The following SPMIP2 variants were observed in gnomAD, a reference collection of about 807,000 sequenced individuals.
SPMIP2 encodes the protein sperm microtubule inner protein 2.
the SPMIP2 span, chr4:158,895,894 C>A: frequency 1.3e-6 from 2 of 1,489,542 alleles, no homozygotes; most frequent in Non-Finnish European, 1.9e-6. Context: ...CGTCACTTGT[C>A]CCTTTGATAG....
chr4:158,943,895 C>T, the SPMIP2 span, among the ~76,000 whole-genome samples: 18 of 130,038 alleles, frequency 1.4e-4, no homozygotes, highest in African/African-American at 4.3e-4. Context: ...CTCGCTCTGT[C>T]GCCAGGCTGG....
chr4:159,078,061 G>T, the SPMIP2 span, among the ~76,000 whole-genome samples: 1 of 152,164 alleles, frequency 6.6e-6, no homozygotes, highest in Non-Finnish European at 1.5e-5. Flanking sequence ...GAGGACTGGG[G>T]AGACAGATAT....
chr4:159,074,617 T>C, the SPMIP2 span, among the ~76,000 whole-genome samples: 1 of 152,164 alleles, frequency 6.6e-6, no homozygotes, highest in African/African-American at 2.4e-5. Context: ...ATAGTAGGAA[T>C]ATAAGTGACC....
At chr4:159,079,984 A>C in the SPMIP2 span, among the ~76,000 whole-genome samples, 1 of 152,140 alleles carries the variant, frequency 6.6e-6, no homozygotes, top group Admixed American at 6.5e-5. Context: ...TCTCAAAATG[A>C]TCTTTTGCTT....
At chr4:159,042,213 C>T in the SPMIP2 span, among the ~76,000 whole-genome samples, 1 of 152,136 alleles carries the variant, frequency 6.6e-6, no homozygotes, top group African/African-American at 2.4e-5. Context: ...AAAAATCAAC[C>T]TCCTTTCAAA....
At chr4:159,078,858 CT>C in the SPMIP2 span, among the ~76,000 whole-genome samples, 3 of 152,186 alleles carry the variant, frequency 2.0e-5, no homozygotes, top group East Asian at 5.8e-4. Flanking sequence ...TGGCTCATGC[CT>C]GTAATCCCAG....
the SPMIP2 span, among the ~76,000 whole-genome samples, chr4:159,069,843 G>A: frequency 6.6e-6 from 1 of 151,352 alleles, no homozygotes; most frequent in African/African-American, 2.4e-5. Flanking sequence ...TTTAAATATT[G>A]TCTCTATTTT....
At chr4:158,930,301 T>C in the SPMIP2 span, among the ~76,000 whole-genome samples, 2 of 151,756 alleles carry the variant, frequency 1.3e-5, no homozygotes, top group Non-Finnish European at 2.9e-5. Context: ...AGCCTCGACT[T>C]TCCAAGCTCA....
the SPMIP2 span, among the ~76,000 whole-genome samples, chr4:158,917,874 A>C: frequency 6.6e-6 from 1 of 151,748 alleles, no homozygotes; most frequent in African/African-American, 2.4e-5. Flanking sequence ...GGTGCCTGCC[A>C]AGCCTGGCTA....
At chr4:159,009,637 T>C in the SPMIP2 span, among the ~76,000 whole-genome samples, 107 of 152,244 alleles carry the variant, frequency 7.0e-4, no homozygotes, top group Non-Finnish European at 1.2e-3. Flanking sequence ...AATGTCCCCA[T>C]GTTTCCGTTG....
At chr4:158,976,083 T>A in the SPMIP2 span, among the ~76,000 whole-genome samples, 1 of 151,998 alleles carries the variant, frequency 6.6e-6, no homozygotes, top group African/African-American at 2.4e-5. Flanking sequence ...AGTTCACTCA[T>A]GATTTGGCTA....
At chr4:158,979,038 G>T in the SPMIP2 span, among the ~76,000 whole-genome samples, 8 of 152,146 alleles carry the variant, frequency 5.3e-5, no homozygotes. Flanking sequence ...CTGACTGGGG[G>T]TGCTGCCTTT....
chr4:159,032,660 A>C, the SPMIP2 span, among the ~76,000 whole-genome samples: 3 of 152,350 alleles, frequency 2.0e-5, no homozygotes, highest in South Asian at 6.2e-4. Context: ...TTATTGGCTG[A>C]TGAAAATTAA....
At chr4:158,895,669 G>A in the SPMIP2 span, 1 of 858,846 alleles carries the variant, frequency 1.2e-6, no homozygotes. Flanking sequence ...AGTTAGAAAT[G>A]AATTAAGAAA....
chr4:159,081,643 G>C, the SPMIP2 span, among the ~76,000 whole-genome samples: 628 of 152,010 alleles, frequency 4.1e-3, 2 homozygotes, highest in African/African-American at 0.014. Flanking sequence ...AGCCATGTTT[G>C]CTCTGCACTC....
the SPMIP2 span, among the ~76,000 whole-genome samples, chr4:158,902,287 CCT>C: frequency 6.6e-6 from 1 of 152,078 alleles, no homozygotes; most frequent in Non-Finnish European, 1.5e-5. Context: ...CACTACAGAC[CCT>C]GTTTGCCTGG....
chr4:159,072,690 T>A, the SPMIP2 span, among the ~76,000 whole-genome samples: 1 of 152,094 alleles, frequency 6.6e-6, no homozygotes, highest in East Asian at 1.9e-4. Context: ...CTCAAACTCC[T>A]GGGCTCATGT....
chr4:158,960,397 G>T, the SPMIP2 span: 4 of 1,032,240 alleles, frequency 3.9e-6, no homozygotes, highest in South Asian at 1.5e-5. Flanking sequence ...AGAGGTGGCC[G>T]GTCTAAGTAT....
the SPMIP2 span, chr4:159,026,071 C>A: frequency 4.8e-6 from 1 of 207,154 alleles, no homozygotes. Flanking sequence ...TCACAGTGCG[C>A]TGCCCATGCC....
Sources: allele counts gnomAD v4.1 joint callset (sites outside exome capture counted in the v4.1 genomes callset), GRCh38; gene constraint gnomAD v4.1.1; transcripts MANE v1.5; gene names NCBI Gene and HGNC (gene_info 2026-07-23, HGNC 2026-07-21).